Variants in NAV2 observed in about 807,000 individuals in gnomAD.
The protein encoded by NAV2 is neuron navigator 2, also known as helicase, APC down-regulated 1.
NAV2 carries 54 observed loss-of-function variants against 223.2 expected under a neutral mutation model. The ratio of observed to expected loss-of-function variants is 0.24; its 90% CI spans 0.19 to 0.30. The LOEUF is 0.30. Ranked by LOEUF, NAV2 falls within the 10% of genes least tolerant of loss-of-function variation. The pLI is 1.00. For synonymous variants in NAV2, 1,279 were observed against 1,239.3 expected (o/e 1.03, Z -0.67); for missense variants, 2,806 against 3,147.5 (o/e 0.89, Z 2.60).
At position 19,998,043 on chromosome 11, in the gene NAV2, C is replaced by A. The variant is rs1018388137; in HGVS notation, c.2768+13796C>A. Among the ~76,000 whole-genome samples, 3 of 152,110 alleles carry A rather than the reference C, an allele frequency of 2.0e-5. No individual in the cohort carries two copies. Among genetic ancestry groups the A allele is most frequent in the Non-Finnish European group, 4.4e-5 (3 of 68,028 alleles). On this transcript the variant is annotated intron_variant, in intron 11 of 37. Coordinates refer to ENST00000349880, the MANE Select transcript of NAV2 (RefSeq NM_145117.5). This position sits in a 1 kb window ranked among gnomAD's most constrained non-coding sequence, Gnocchi z 5.0. ...TCCCCCAAGACTGAGAGGAAGGAAG[C>A]AGAACAAAAGTGTGTTTTTCTCAGC...
At chr11:20,106,280 C>T (rs1247848616) in intron 35 of NAV2, among the ~76,000 whole-genome samples, 2 of 137,642 alleles carry the variant, frequency 1.5e-5, no homozygotes, top group Non-Finnish European at 3.1e-5. Context: ...TCCTTTTGGC[C>T]GGGCATGGTG....
intron 1 of NAV2, among the ~76,000 whole-genome samples, chr11:19,601,730 C>A (rs891246458): frequency 6.6e-6 from 1 of 152,022 alleles, no homozygotes; most frequent in African/African-American, 2.4e-5. Context: ...TCTCTCCATG[C>A]GATGGGGTCA....
At chr11:19,523,564 G>A (rs891913335) in intron 1 of NAV2, among the ~76,000 whole-genome samples, 14 of 152,258 alleles carry the variant, frequency 9.2e-5, no homozygotes, top group African/African-American at 3.1e-4. Flanking sequence ...CCTCTAGAGC[G>A]AGGCCTTCTC....
intron 1 of NAV2, among the ~76,000 whole-genome samples, chr11:19,491,391 T>C (rs1186121346): frequency 6.6e-6 from 1 of 152,232 alleles, no homozygotes; most frequent in Non-Finnish European, 1.5e-5. Flanking sequence ...TGATGTTAGC[T>C]AGAACTTCTG....
intron 1 of NAV2, among the ~76,000 whole-genome samples, chr11:19,649,637 A>G (rs1239214574): frequency 6.6e-6 from 1 of 152,128 alleles, no homozygotes; most frequent in African/African-American, 2.4e-5. Flanking sequence ...TCATGACCTA[A>G]TCACCTCCCA....
chr11:19,438,540 C>G (rs1171110468), intron 1 of NAV2, among the ~76,000 whole-genome samples: 1 of 152,222 alleles, frequency 6.6e-6, no homozygotes, highest in African/African-American at 2.4e-5. Flanking sequence ...AATTTTCATA[C>G]TCTCCAGACA....
chr11:19,825,714 T>C (rs920699697), intron 1 of NAV2, among the ~76,000 whole-genome samples: 1 of 152,228 alleles, frequency 6.6e-6, no homozygotes, highest in African/African-American at 2.4e-5. Flanking sequence ...CCCCTTTGGT[T>C]TAACATGGTA....
intron 23 of NAV2, 70 bp downstream of exon 23, chr11:20,077,705 C>G (rs1455152334): frequency 1.7e-6 from 2 of 1,190,710 alleles, no homozygotes; most frequent in Admixed American, 3.6e-5. Context: ...ACTATTCTTT[C>G]ATTTCAGATC....
intron 3 of NAV2, among the ~76,000 whole-genome samples, chr11:19,864,460 C>T (rs73437608): frequency 1.3e-3 from 195 of 152,314 alleles, no homozygotes; most frequent in African/African-American, 4.4e-3. Context: ...GCATATTTTA[C>T]GTTATCAGGA....
At chr11:19,718,463 T>C (rs1444751685) in intron 1 of NAV2, among the ~76,000 whole-genome samples, 1 of 152,024 alleles carries the variant, frequency 6.6e-6, no homozygotes, top group African/African-American at 2.4e-5. Context: ...GTGGGTGTTT[T>C]AGATGTTGAA....
chr11:19,364,128 C>G (rs945161066), intron 1 of NAV2, among the ~76,000 whole-genome samples: 1 of 152,190 alleles, frequency 6.6e-6, no homozygotes, highest in African/African-American at 2.4e-5. Flanking sequence ...AGCCAGCCCC[C>G]ATCCTGAACC....
intron 1 of NAV2, among the ~76,000 whole-genome samples, chr11:19,829,212 G>T (rs2059805272): frequency 2.0e-5 from 3 of 152,302 alleles, no homozygotes; most frequent in East Asian, 3.9e-4. Context: ...TAAACTTCAT[G>T]GTCCCTCCCA....
rs1385186726 is a variant in NAV2 at position 20,101,556 on chromosome 11, T to C, written c.6417+384T>C. Among the ~76,000 whole-genome samples the C allele has an allele frequency of 3.9e-5, 6 of 152,338 alleles. 1 individual carries two copies. In the South Asian group the frequency reaches 8.3e-4, roughly 21 times the overall value. On this transcript the variant is annotated intron_variant, in intron 32 of 37. Coordinates refer to ENST00000349880, the MANE Select transcript of NAV2 (RefSeq NM_145117.5). ...TAGAAGCCCACATTTATAGACTGTT[T>C]GCCCCATCACCAGCAAACACCTTCT...
At chr11:19,483,277 T>C (rs912610252) in intron 1 of NAV2, among the ~76,000 whole-genome samples, 1 of 152,214 alleles carries the variant, frequency 6.6e-6, no homozygotes, top group Non-Finnish European at 1.5e-5. Flanking sequence ...TCATTCTGAG[T>C]AGTGTGATGA....
At chr11:19,652,000 C>T (rs76658563) in intron 1 of NAV2, among the ~76,000 whole-genome samples, 5 of 152,218 alleles carry the variant, frequency 3.3e-5, no homozygotes, top group African/African-American at 4.8e-5. Flanking sequence ...TGAGTGACAG[C>T]GTAAGAAAGC....
chr11:19,740,891 A>G (rs752437115), intron 1 of NAV2, among the ~76,000 whole-genome samples: 15 of 152,246 alleles, frequency 9.9e-5, no homozygotes, highest in Non-Finnish European at 1.6e-4. Flanking sequence ...TCACCCAGCT[A>G]GTAACCCAGG....
chr11:20,023,298 G>A lies in NAV2; in HGVS notation c.2769-12661G>A, dbSNP rs559886306. Among the ~76,000 whole-genome samples, 632 of 141,790 alleles carry A rather than the reference G, an allele frequency of 4.5e-3. 4 individuals are homozygous for A. The highest frequency in any genetic ancestry group is 7.0e-3 in the Middle Eastern group (2 of 286). 93.0% of individuals were successfully genotyped at this position (141,790 alleles called of 152,430 possible). A position where few individuals can be genotyped will look rare whatever the true frequency, so the allele number is the denominator to read the frequency against. On this transcript the variant is annotated intron_variant, in intron 11 of 37. Transcript: ENST00000349880. ...TGTGTGAGTGGGGGTGGGAGGGGGCGGGGGGCAAGGTTGCTGGTCAGGAAA... is the reference window on the plus strand; with the variant it reads ...TGTGTGAGTGGGGGTGGGAGGGGGCAGGGGGCAAGGTTGCTGGTCAGGAAA...
chr11:19,733,257 C>G (rs1281666689), intron 1 of NAV2, among the ~76,000 whole-genome samples: 2 of 152,236 alleles, frequency 1.3e-5, no homozygotes, highest in Non-Finnish European at 2.9e-5. Context: ...TCTTTCACAT[C>G]AAGTTCAGTT....
chr11:20,100,510 G>C (rs969605668), intron 31 of NAV2, among the ~76,000 whole-genome samples: 2 of 151,600 alleles, frequency 1.3e-5, no homozygotes, highest in African/African-American at 2.4e-5. Flanking sequence ...CTCAGGTTTG[G>C]TTTGGGCAGA....
Sources: gnomAD v4.1 joint callset for allele counts (sites outside exome capture counted in the v4.1 genomes callset) on GRCh38, gnomAD v4.1.1 for gene constraint, Gnocchi (gnomAD v3.1) non-coding constraint, MANE v1.5 for transcripts, NCBI Gene and HGNC (gene_info 2026-07-23, HGNC 2026-07-21) for gene names.